The following TTC28 variants were observed in gnomAD, a reference collection of about 807,000 sequenced individuals.
The protein encoded by TTC28 is tetratricopeptide repeat protein 28.
Under a neutral mutation model 198.0 loss-of-function variants are expected in TTC28, and 61 were observed. The ratio of observed to expected loss-of-function variants is 0.31; its 90% CI spans 0.25 to 0.38. TTC28 has a LOEUF of 0.38. TTC28 is among the 10% of genes least tolerant of loss of function. TTC28 has a pLI of 1.00. For missense variants in TTC28, 2,678 were observed against 3,164.0 expected (o/e 0.85, Z 3.69); for synonymous variants, 1,171 against 1,297.8 (o/e 0.90, Z 2.10).
intron 12 of TTC28, among the ~76,000 whole-genome samples, chr22:28,041,096 T>G (rs775028923): frequency 6.6e-6 from 1 of 152,180 alleles, no homozygotes; most frequent in Non-Finnish European, 1.5e-5. Flanking sequence ...CACAAACAAA[T>G]GGAAGAACAT....
intron 2 of TTC28, among the ~76,000 whole-genome samples, chr22:28,445,656 G>A (rs1471148930): frequency 1.3e-5 from 2 of 152,040 alleles, no homozygotes; most frequent in Non-Finnish European, 2.9e-5. Flanking sequence ...ATACACTTGT[G>A]CTCTCTGCCT....
intron 13 of TTC28, among the ~76,000 whole-genome samples, chr22:28,020,509 A>T (rs1286134635): frequency 6.6e-6 from 1 of 152,168 alleles, no homozygotes; most frequent in Non-Finnish European, 1.5e-5. Context: ...TGTCTCTGGA[A>T]TGATGACAAA....
intron 5 of TTC28, among the ~76,000 whole-genome samples, chr22:28,278,246 T>A (rs1156715651): frequency 6.6e-6 from 1 of 152,186 alleles, no homozygotes; most frequent in Non-Finnish European, 1.5e-5. Context: ...ATACCTGCTC[T>A]GGGTTTTTAT....
intron 2 of TTC28, among the ~76,000 whole-genome samples, chr22:28,330,982 A>G (rs2045605821): frequency 6.6e-6 from 1 of 152,130 alleles, no homozygotes; most frequent in South Asian, 2.1e-4. Flanking sequence ...TTATGCTGTA[A>G]AGATTGGTTA....
At chr22:28,270,677 G>C (rs1019573547) in intron 5 of TTC28, among the ~76,000 whole-genome samples, 1 of 152,218 alleles carries the variant, frequency 6.6e-6, no homozygotes, top group African/African-American at 2.4e-5. Flanking sequence ...GGCAAAGATA[G>C]GCAACCCAGT....
intron 2 of TTC28, among the ~76,000 whole-genome samples, chr22:28,564,082 T>C (rs1406566035): frequency 6.6e-6 from 1 of 152,016 alleles, no homozygotes; most frequent in East Asian, 1.9e-4. Context: ...ATACCCAGAA[T>C]AGGTAAATCT....
intron 1 of TTC28, among the ~76,000 whole-genome samples, chr22:28,650,454 A>G (rs1393474884): frequency 6.6e-6 from 1 of 152,200 alleles, no homozygotes; most frequent in Non-Finnish European, 1.5e-5. Flanking sequence ...GATACCCAGT[A>G]ATCTTTTCGA....
At chr22:28,395,504 C>T (rs2046800013) in intron 2 of TTC28, among the ~76,000 whole-genome samples, 1 of 151,842 alleles carries the variant, frequency 6.6e-6, no homozygotes, top group Non-Finnish European at 1.5e-5. Flanking sequence ...TGGTGGTGGG[C>T]ACCCGTAGTC....
intron 2 of TTC28, among the ~76,000 whole-genome samples, chr22:28,372,180 T>A (rs1176100124): frequency 6.6e-6 from 1 of 152,218 alleles, no homozygotes; most frequent in African/African-American, 2.4e-5. Context: ...TAACTCTGAA[T>A]TGATCATCCA....
At chr22:28,589,853 G>A (rs1176141204) in intron 2 of TTC28, among the ~76,000 whole-genome samples, 1 of 151,326 alleles carries the variant, frequency 6.6e-6, no homozygotes, top group African/African-American at 2.4e-5. Flanking sequence ...GCCTGGCCAA[G>A]ATGGTGAAAC....
chr22:28,516,299 A>T (rs762438288), intron 2 of TTC28, among the ~76,000 whole-genome samples: 2 of 152,220 alleles, frequency 1.3e-5, no homozygotes, highest in Non-Finnish European at 2.9e-5. Flanking sequence ...ATGCTTCTTA[A>T]GAATTAAGTA....
chr22:28,481,531 A>G (rs1398598400), intron 2 of TTC28, among the ~76,000 whole-genome samples: 1 of 152,174 alleles, frequency 6.6e-6, no homozygotes, highest in African/African-American at 2.4e-5. Context: ...CAATAGTCTA[A>G]ATTTTTCTAG....
Position 28,283,442 on chromosome 22 carries a change from A to C in TTC28, c.933+12756T>G, listed in dbSNP as rs577572157. 5.9e-5 allele frequency among the ~76,000 whole-genome samples: 9 copies of C among 152,248 alleles called. No individual in the cohort carries two copies. The South Asian group carries it at 1.0e-3, about 18-fold the overall frequency. On this transcript the variant is annotated intron_variant, in intron 5 of 22. Transcript: ENST00000397906. ...AAATGTCTGCAAAAAGGTCCAAGAA[A>C]AATAGCACTGTTTTCAGAGAAAGTG...
intron 1 of TTC28, among the ~76,000 whole-genome samples, chr22:28,637,598 A>G (rs1297538000): frequency 1.3e-5 from 2 of 152,208 alleles, no homozygotes; most frequent in Non-Finnish European, 2.9e-5. Context: ...AAAAGGAACG[A>G]AAGGTTTACA....
intron 2 of TTC28, among the ~76,000 whole-genome samples, chr22:28,490,013 C>A (rs1764128520): frequency 6.6e-6 from 1 of 152,092 alleles, no homozygotes; most frequent in South Asian, 2.1e-4. Flanking sequence ...GCATCCAGCA[C>A]GGGAGAAAGA....
chr22:28,480,572 T>A (rs1424525574), intron 2 of TTC28, among the ~76,000 whole-genome samples: 1 of 152,234 alleles, frequency 6.6e-6, no homozygotes, highest in Non-Finnish European at 1.5e-5. Flanking sequence ...TTGAAATCAA[T>A]GTTTTATTTA....
At chr22:28,316,426 T>G (rs555742657) in intron 2 of TTC28, among the ~76,000 whole-genome samples, 1 of 152,300 alleles carries the variant, frequency 6.6e-6, no homozygotes, top group East Asian at 1.9e-4. Flanking sequence ...CTATTTTAGT[T>G]TCTTTGCTTT....
intron 5 of TTC28, among the ~76,000 whole-genome samples, chr22:28,224,734 C>T (rs534449763): frequency 6.6e-6 from 1 of 152,112 alleles, no homozygotes; most frequent in Non-Finnish European, 1.5e-5. Flanking sequence ...GTGATCTCCC[C>T]TTCATTCTAC....
chr22:28,272,071 G>A lies in TTC28; in HGVS notation c.933+24127C>T, dbSNP rs116738872. The stretch of plus-strand genomic sequence containing the variant: ...TTTTCTTTATAAATTACCCACTCTC[G>A]GGTATGTCTTCATCAGCAGTGTGAA... On this transcript the variant is annotated intron_variant, in intron 5 of 22. Coordinates refer to ENST00000397906, the MANE Select transcript of TTC28 (RefSeq NM_001145418.2). Among the ~76,000 whole-genome samples the A allele has an allele frequency of 8.8e-3, 1,336 of 152,172 alleles. 17 individuals carry two copies. The highest frequency in any genetic ancestry group is 0.03 in the African/African-American group (1,263 of 41,508).
Sources: gnomAD v4.1 joint callset for allele counts (sites outside exome capture counted in the v4.1 genomes callset) on GRCh38, gnomAD v4.1.1 for gene constraint, MANE v1.5 for transcripts, NCBI Gene and HGNC (gene_info 2026-07-23, HGNC 2026-07-21) for gene names.